Variants in SLC26A2 observed in about 807,000 individuals in gnomAD.
The protein encoded by SLC26A2 is sulfate transporter.
Under a neutral mutation model 41.1 loss-of-function variants are expected in SLC26A2, and 36 were observed. The observed-to-expected ratio is 0.88, with a 90% CI of 0.67 to 1.16. The LOEUF (loss-of-function observed/expected upper bound fraction) is 1.16. SLC26A2 is among the 50% of genes most tolerant of loss of function. The pLI is 0.00. For synonymous variants in SLC26A2, 291 were observed against 311.6 expected (o/e 0.93, Z 0.70); for missense variants, 796 against 869.6 (o/e 0.92, Z 1.07).
At position 149,981,650 on chromosome 5, in the gene SLC26A2, G is replaced by A. The variant is rs1581232671; in HGVS notation, c.2057G>A (p.Cys686Tyr). 1 of 1,614,018 alleles carries A rather than the reference G, an allele frequency of 6.2e-7. No individual in the cohort carries two copies. The highest frequency in any genetic ancestry group is 8.5e-7 in the Non-Finnish European group (1 of 1,179,978). ...AIGIQVLLAQ[C>Y]NPTVRDSLTN... is the part of the protein sequence containing the mutation. The stretch of plus-strand genomic sequence containing the variant: ...GGAATCCAGGTTCTGCTGGCTCAGT[G>A]CAATCCCACTGTGAGGGATTCCCTA... Residue 686 changes from cysteine (C) to tyrosine (Y), a missense_variant, in exon 3 of 3, where the codon TGC becomes TAC. Physicochemically the swap from Cys to Tyr is radical, Grantham distance 194. Transcript: ENST00000286298.
Position 149,978,286 on chromosome 5 carries a change from T to C in SLC26A2, c.634T>C (p.Cys212Arg), listed in dbSNP as rs1302314516. ...TLLNHTSDRI[C>R]DKSCYAIMVG... ...ATTAAATCATACATCAGACAGGATATGTGACAAAAGTTGCTATGCAATTAT... is the reference window on the plus strand; with the variant it reads ...ATTAAATCATACATCAGACAGGATACGTGACAAAAGTTGCTATGCAATTAT... The change falls in exon 2 of 3, where the codon TGT (cysteine) becomes CGT (arginine). Residue 212 changes from cysteine (C) to arginine (R), a missense_variant. Cys to Arg is a radical substitution (Grantham distance 180). Coordinates refer to ENST00000286298, the MANE Select transcript of SLC26A2 (RefSeq NM_000112.4). 2 of 1,614,004 alleles carry C rather than the reference T, an allele frequency of 1.2e-6. No individual in the cohort carries two copies. The highest frequency in any genetic ancestry group is 1.7e-6 in the Non-Finnish European group (2 of 1,180,012).
At chr5:149,972,954 T>A (rs1754930264) in intron 1 of SLC26A2, among the ~76,000 whole-genome samples, 1 of 152,176 alleles carries the variant, frequency 6.6e-6, no homozygotes, top group Non-Finnish European at 1.5e-5. Context: ...TAGTGGTTAC[T>A]CTTAGGTTTA....
At chr5:149,971,113 G>A (rs1321092525) in intron 1 of SLC26A2, among the ~76,000 whole-genome samples, 2 of 152,178 alleles carry the variant, frequency 1.3e-5, no homozygotes, top group African/African-American at 4.8e-5. Context: ...GTTTTCCTCT[G>A]ATGAGTTGTT....
In SLC26A2 at chr5:149,960,783, T is replaced by C. The variant is rs1384728503; in HGVS notation, c.-222T>C. ...GTTTACACTGGCTCTGCCTCCGGCA[T>C]CTCTTCGCCGGTGCGTCCTCGCCGC... On this transcript the variant is annotated 5_prime_UTR_variant, in exon 1 of 3. Transcript: ENST00000286298. 1 of 152,282 alleles carries C rather than the reference T, an allele frequency of 6.6e-6. No homozygotes were observed. Among genetic ancestry groups the C allele is most frequent in the Non-Finnish European group, 1.5e-5 (1 of 68,082 alleles). The allele number at this position is 152,282 out of a possible 1,614,324, so 9.4% of individuals were successfully genotyped here.
intron 1 of SLC26A2, among the ~76,000 whole-genome samples, 167 bp from the exon 2 acceptor site, chr5:149,977,461 T>TC (rs1335781695): frequency 1.7e-4 from 26 of 152,126 alleles, no homozygotes; most frequent in African/African-American, 4.8e-4. Flanking sequence ...TCTTTTTTTT[T>TC]CCCCCTAACC....
chr5:149,974,220 T>TGGAGGCCAGACTTCCA (rs1222418714), intron 1 of SLC26A2, among the ~76,000 whole-genome samples: 1 of 152,196 alleles, frequency 6.6e-6, no homozygotes, highest in Non-Finnish European at 1.5e-5. Flanking sequence ...TGATTTCCAA[T>TGGAGGCCAGACTTCCA]AAGAAGTCTG....
chr5:149,977,380 T>G (rs1478084615), intron 1 of SLC26A2, among the ~76,000 whole-genome samples: 1 of 152,146 alleles, frequency 6.6e-6, no homozygotes, highest in Non-Finnish European at 1.5e-5. Flanking sequence ...CCTTAATGGT[T>G]TATACTCTTG....
rs778577122 is a variant in SLC26A2 at position 149,981,775 on chromosome 5, G to A, written c.2182G>A (p.Val728Ile). Residue 728 changes from valine (V) to isoleucine (I), a missense_variant, in exon 3 of 3, where the codon GTA becomes ATA. Val to Ile is a conservative substitution (Grantham distance 29, BLOSUM62 3). Transcript: ENST00000286298. ...AGAAGTATCTAAAAATCAGAAAGGA[G>A]TATGTGTTCCCAATGGTCTGAGTCT... is the stretch of plus-strand genomic sequence containing the variant. ...FAEVSKNQKGVCVPNGLSLSS... is the reference protein window; with the variant it reads ...FAEVSKNQKGICVPNGLSLSS... The A allele has an allele frequency of 2.9e-5, 47 of 1,613,108 alleles. No individual in the cohort carries two copies. Among genetic ancestry groups the A allele is most frequent in the Non-Finnish European group, 3.7e-5 (44 of 1,179,706 alleles).
chr5:149,960,825 A>G lies in SLC26A2; in HGVS notation c.-180A>G, dbSNP rs1014688192. The G allele has an allele frequency of 6.6e-5, 10 of 152,360 alleles. No homozygotes were observed. Among genetic ancestry groups the G allele is most frequent in the Admixed American group, 3.3e-4 (5 of 15,288 alleles). 9.4% of individuals were successfully genotyped at this position (152,360 alleles called of 1,614,324 possible). ...CCTCGCCGCGCCCGTAGGTCCCGGC[A>G]GCCGGGCCCCGCCTCCTTCGGAGTC... On this transcript the variant is annotated 5_prime_UTR_variant, in exon 1 of 3. Transcript: ENST00000286298.
chr5:149,981,050 T>C lies in SLC26A2; in HGVS notation c.1457T>C (p.Ile486Thr). ...CTTCAAAAAAGTGTCCTTGGTGTGA[T>C]CACAATTGTAAATCTACGGGGAGCC... ...YSLQKSVLGV[I>T]TIVNLRGALR... Residue 486 changes from isoleucine to threonine, a missense_variant, in exon 3 of 3, where the codon ATC becomes ACC. By Grantham distance (89) the Ile-to-Thr change is moderately conservative. Transcript: ENST00000286298. 2 of 1,614,196 alleles carry C rather than the reference T, an allele frequency of 1.2e-6. No individual in the cohort carries two copies. Among genetic ancestry groups the C allele is most frequent in the South Asian group, 1.1e-5 (1 of 91,078 alleles).
chr5:149,968,248 G>A (rs376954069), intron 1 of SLC26A2, among the ~76,000 whole-genome samples: 16 of 151,944 alleles, frequency 1.1e-4, no homozygotes, highest in Admixed American at 3.9e-4. Context: ...ATATCTGTTC[G>A]AGTTACAGTT....
intron 1 of SLC26A2, among the ~76,000 whole-genome samples, chr5:149,976,522 A>C (rs145099570): frequency 6.6e-6 from 1 of 152,248 alleles, no homozygotes; most frequent in Non-Finnish European, 1.5e-5. Flanking sequence ...TAAGCTAAGT[A>C]AACAGCTTAT....
At chr5:149,972,181 C>G (rs1213471377) in intron 1 of SLC26A2, among the ~76,000 whole-genome samples, 1 of 152,228 alleles carries the variant, frequency 6.6e-6, no homozygotes, top group Non-Finnish European at 1.5e-5. Flanking sequence ...TTCTTAAACT[C>G]TTTCATATTT....
rs766847788 is a variant in SLC26A2, at chr5:149,978,283, A to G, written c.631A>G (p.Ile211Val). 2 of 1,614,062 alleles carry G rather than the reference A, an allele frequency of 1.2e-6. No homozygotes were observed. The highest frequency in any genetic ancestry group is 2.2e-5 in the East Asian group (1 of 44,880). The change falls in exon 2 of 3, where the codon ATA becomes GTA. Residue 211 changes from isoleucine (I) to valine (V), a missense_variant. Transcript: ENST00000286298. ...STLLNHTSDR[I>V]CDKSCYAIMV... ...ATTATTAAATCATACATCAGACAGG[A>G]TATGTGACAAAAGTTGCTATGCAAT...
At chr5:149,978,769 C>T (rs1042472848) in intron 2 of SLC26A2, among the ~76,000 whole-genome samples, 2 of 151,926 alleles carry the variant, frequency 1.3e-5, no homozygotes, top group African/African-American at 4.8e-5. Flanking sequence ...TTCACTGCAA[C>T]GTCCGCCTCC....
chr5:149,980,200 A>T, intron 2 of SLC26A2, 93 bp from the exon 3 acceptor site: 1 of 942,652 alleles, frequency 1.1e-6, no homozygotes, highest in East Asian at 2.4e-5. Flanking sequence ...TGATGCTCTG[A>T]TGATATGTCT....
In SLC26A2 at chr5:149,981,171, T is replaced by C; in HGVS notation, c.1578T>C (p.Ser526=). 6.2e-7 allele frequency: 1 copy of C among 1,614,190 alleles called. No homozygotes were observed. Among genetic ancestry groups the C allele is most frequent in the Non-Finnish European group, 8.5e-7 (1 of 1,180,022 alleles). The change falls in exon 3 of 3, where the codon AGT becomes AGC. Residue 526 remains serine, a synonymous_variant. Coordinates refer to ENST00000286298, the MANE Select transcript of SLC26A2 (RefSeq NM_000112.4). ...FVTMLSSALL[S]TEIGLLVGVC... is the part of the protein sequence containing the mutation. ...CTATGCTGTCCTCTGCACTGCTAAGTACTGAAATAGGCCTACTTGTTGGGG... is the reference window on the plus strand; with the variant it reads ...CTATGCTGTCCTCTGCACTGCTAAGCACTGAAATAGGCCTACTTGTTGGGG...
At chr5:149,965,075 T>G (rs1209445801) in intron 1 of SLC26A2, among the ~76,000 whole-genome samples, 2 of 152,236 alleles carry the variant, frequency 1.3e-5, no homozygotes, top group Non-Finnish European at 2.9e-5. Flanking sequence ...AAGTGTTCCA[T>G]GTATCATTCT....
rs941103020 is a variant in SLC26A2, at chr5:149,968,001, CT to C, written c.-26+7031del. Among the ~76,000 whole-genome samples, 19 of 148,086 alleles carry C rather than the reference CT, an allele frequency of 1.3e-4. No homozygotes were observed. In the South Asian group the frequency reaches 3.0e-3, roughly 23 times the overall value. On this transcript the variant is annotated intron_variant, in intron 1 of 2. Transcript: ENST00000286298. ...CCTTTTTTTTTTTTTAGATCCAGCT[CT>C]TTTTTTTTATTTTTTATTTGTTTGC...
Sources: gnomAD v4.1 joint callset for allele counts (sites outside exome capture counted in the v4.1 genomes callset) on GRCh38, gnomAD v4.1.1 for gene constraint, MANE v1.5 for transcripts, NCBI Gene and HGNC (gene_info 2026-07-23, HGNC 2026-07-21) for gene names.